Variants in MRPS22 observed in about 807,000 individuals in gnomAD.
MRPS22 encodes small ribosomal subunit protein mS22.
A neutral mutation model predicts 44.0 loss-of-function variants in MRPS22; 30 were observed. The ratio of observed to expected loss-of-function variants is 0.68; its 90% confidence interval spans 0.51 to 0.93. The LOEUF (loss-of-function observed/expected upper bound fraction) is 0.93. Ranked by LOEUF, MRPS22 falls within the 40% of genes least tolerant of loss-of-function variation. The probability of loss-of-function intolerance (pLI) is 0.00; values close to 1 mark genes in which losing one functional copy is unlikely to be tolerated. For missense variants in MRPS22, 447 were observed against 447.8 expected (o/e 1.00, Z 0.02); for synonymous variants, 165 against 154.4 (o/e 1.07, Z -0.51).
intron 2 of MRPS22, among the ~76,000 whole-genome samples, chr3:139,347,909 C>T (rs1437633394): frequency 6.6e-6 from 1 of 152,186 alleles, no homozygotes; most frequent in Non-Finnish European, 1.5e-5. Flanking sequence ...GCTTTTGTAG[C>T]CTGGCTTTGT....
At chr3:139,349,383 C>T in intron 3 of MRPS22, 1 of 432,274 alleles carries the variant, frequency 2.3e-6, no homozygotes, top group South Asian at 1.7e-5. Flanking sequence ...GACTCCTACA[C>T]CTCTGAAAAC....
At position 139,350,239 on chromosome 3, in the gene MRPS22, C is replaced by T. The variant is rs146250349; in HGVS notation, c.565C>T (p.Arg189Trp). 12 of 1,613,866 alleles carry T rather than the reference C, an allele frequency of 7.4e-6. No homozygotes were observed. Among genetic ancestry groups the T allele is most frequent in the African/African-American group, 1.3e-5 (1 of 74,860 alleles). Reference protein sequence around the residue: ...GTLRKASWEERDRMIQVYFPK... With the variant: ...GTLRKASWEEWDRMIQVYFPK... ...ACTACGCAAAGCCTCTTGGGAAGAA[C>T]GGGACCGAATGATACAAGTTTATTT... Residue 189 changes from arginine (R) to tryptophan (W), a missense_variant, in exon 4 of 8, where the codon CGG (arginine) becomes TGG (tryptophan). Arg to Trp is a moderately radical substitution (Grantham distance 101, BLOSUM62 -3). Transcript: ENST00000680020.
intron 4 of MRPS22, chr3:139,350,661 C>T (rs1276946450): frequency 4.5e-5 from 15 of 333,496 alleles, no homozygotes; most frequent in Admixed American, 3.6e-4. Context: ...CTCCTGACCT[C>T]GGGATTCGCA....
chr3:139,347,129 C>A, intron 2 of MRPS22, 85 bp downstream of exon 2: 1 of 1,441,386 alleles, frequency 6.9e-7, no homozygotes, highest in Non-Finnish European at 9.8e-7. Flanking sequence ...ATGCTTATAG[C>A]TATTCTTCCA....
intron 1 of MRPS22, among the ~76,000 whole-genome samples, chr3:139,345,446 T>TG (rs946361211): frequency 1.5e-4 from 21 of 140,562 alleles, no homozygotes; most frequent in African/African-American, 3.9e-4. Flanking sequence ...GTGTTTTTTT[T>TG]TTTGTTTTTT....
In MRPS22 at chr3:139,348,319, C is replaced by A; in HGVS notation, c.499C>A (p.His167Asn). The A allele has an allele frequency of 6.2e-7, 1 of 1,613,794 alleles. No homozygotes were observed. Among genetic ancestry groups the A allele is most frequent in the Non-Finnish European group, 8.5e-7 (1 of 1,179,836 alleles). Residue 167 changes from histidine (H) to asparagine (N), a missense_variant, in exon 3 of 8, where the codon CAC becomes AAC. Physicochemically the swap from His to Asn is moderately conservative, Grantham distance 68. Coordinates refer to ENST00000680020, the MANE Select transcript of MRPS22 (RefSeq NM_020191.4). ...TACTGATATATCATATAGCATACCA[C>A]ACCGGGTGAGTATATGTCTAATCGC... ...VFTDISYSIP[H>N]RERFIVVREP...
chr3:139,357,061 C>T lies in MRPS22; in HGVS notation c.*47C>T, dbSNP rs1941295977. On this transcript the variant is annotated 3_prime_UTR_variant, in exon 8 of 8. Coordinates refer to ENST00000680020, the MANE Select transcript of MRPS22 (RefSeq NM_020191.4). ...ATTTTACTAAATACTGACTACATTTCTCTGTTAATATTGAGCTAAATGTTA... is the reference window on the plus strand; with the variant it reads ...ATTTTACTAAATACTGACTACATTTTTCTGTTAATATTGAGCTAAATGTTA... The T allele has an allele frequency of 1.4e-6, 2 of 1,408,202 alleles. No individual in the cohort carries two copies. The highest frequency in any genetic ancestry group is 2.0e-6 in the Non-Finnish European group (2 of 1,006,050). 87.2% of individuals were successfully genotyped at this position (1,408,202 alleles called of 1,614,324 possible).
At chr3:139,344,355 C>T (rs1459895507) in intron 1 of MRPS22, among the ~76,000 whole-genome samples, 157 bp downstream of exon 1, 1 of 152,236 alleles carries the variant, frequency 6.6e-6, no homozygotes, top group African/African-American at 2.4e-5. Flanking sequence ...TTTGTCATCA[C>T]CTGCATATCT....
intron 3 of MRPS22, chr3:139,349,087 A>T: frequency 3.0e-6 from 1 of 332,940 alleles, no homozygotes; most frequent in Non-Finnish European, 5.9e-6. Flanking sequence ...AGCTATGTTC[A>T]ACACCAGCCA....
At chr3:139,345,807 T>C (rs1418082316) in intron 1 of MRPS22, among the ~76,000 whole-genome samples, 2 of 152,062 alleles carry the variant, frequency 1.3e-5, no homozygotes, top group African/African-American at 4.8e-5. Context: ...TTCAAGTACA[T>C]GAGAGAGGTT....
At chr3:139,348,432 C>T in intron 3 of MRPS22, 108 bp downstream of exon 3, 1 of 1,137,180 alleles carries the variant, frequency 8.8e-7, no homozygotes, top group Admixed American at 1.7e-5. Context: ...AACCAGATTT[C>T]CTCTGACTGG....
chr3:139,346,833 G>A, intron 1 of MRPS22, 45 bp from the exon 2 acceptor site: 1 of 1,607,120 alleles, frequency 6.2e-7, no homozygotes, highest in Middle Eastern at 1.7e-4. Context: ...GGTCTTGTTA[G>A]CTTGTCATTT....
chr3:139,352,945 C>T (rs908073434), intron 6 of MRPS22, among the ~76,000 whole-genome samples, 153 bp downstream of exon 6: 2 of 152,130 alleles, frequency 1.3e-5, no homozygotes, highest in African/African-American at 2.4e-5. Flanking sequence ...TAACCTAGCT[C>T]TCCTAGTTTT....
intron 4 of MRPS22, 154 bp downstream of exon 4, chr3:139,350,476 G>A: frequency 1.3e-6 from 1 of 798,544 alleles, no homozygotes; most frequent in South Asian, 1.7e-5. Flanking sequence ...TGCCCAGGCT[G>A]AAGTGCAGTG....
chr3:139,354,084 C>T (rs932446886), intron 6 of MRPS22, among the ~76,000 whole-genome samples: 1 of 152,130 alleles, frequency 6.6e-6, no homozygotes, highest in Non-Finnish European at 1.5e-5. Flanking sequence ...TCCTGCTATT[C>T]CTAGGTAAAG....
At chr3:139,347,700 G>A (rs577022896) in intron 2 of MRPS22, among the ~76,000 whole-genome samples, 2 of 152,312 alleles carry the variant, frequency 1.3e-5, no homozygotes, top group East Asian at 3.9e-4. Flanking sequence ...TCAAATACCA[G>A]TGTTGCAATT....
At chr3:139,354,697 C>T (rs147415902) in intron 6 of MRPS22, among the ~76,000 whole-genome samples, 193 of 152,302 alleles carry the variant, frequency 1.3e-3, no homozygotes, top group Admixed American at 3.3e-3. Context: ...TCACCCTGCT[C>T]TTCATCCCCC....
In MRPS22 at chr3:139,356,977, A is replaced by G; in HGVS notation, c.1046A>G (p.Tyr349Cys). The G allele has an allele frequency of 6.2e-6, 10 of 1,613,086 alleles. No individual in the cohort carries two copies. The highest frequency in any genetic ancestry group is 8.5e-6 in the Non-Finnish European group (10 of 1,179,562). ...TATATAGAACTAACACTGCAGACTT[A>G]TCAAGAAGCACTCAGTCGCCATTCT... ...GAYIELTLQTYQEALSRHSAA... is the reference protein window; with the variant it reads ...GAYIELTLQTCQEALSRHSAA... Residue 349 changes from tyrosine to cysteine, a missense_variant, in exon 8 of 8, where the codon TAT (tyrosine) becomes TGT (cysteine). Transcript: ENST00000680020.
Position 139,355,775 on chromosome 3 carries a change from A to G in MRPS22, c.972A>G (p.Gly324=). ...AQGAKDQAAE[G]INLIKVFAKT... is the part of the protein sequence containing the mutation. Reference sequence around the variant, plus strand: ...GGGCCAAGGATCAGGCTGCTGAGGGAATAAATTTAATCAAGGTAAAGTTTT... The same window carrying G: ...GGGCCAAGGATCAGGCTGCTGAGGGGATAAATTTAATCAAGGTAAAGTTTT... The change falls in exon 7 of 8, where the codon GGA becomes GGG. Residue 324 remains glycine, a synonymous_variant. Coordinates refer to ENST00000680020, the MANE Select transcript of MRPS22 (RefSeq NM_020191.4). The G allele has an allele frequency of 6.2e-7, 1 of 1,613,820 alleles. No homozygotes were observed. The highest frequency in any genetic ancestry group is 8.5e-7 in the Non-Finnish European group (1 of 1,179,736).
Sources: allele counts gnomAD v4.1 joint callset (sites outside exome capture counted in the v4.1 genomes callset), GRCh38; gene constraint gnomAD v4.1.1; transcripts MANE v1.5; gene names NCBI Gene and HGNC (gene_info 2026-07-23, HGNC 2026-07-21).